Variants in MXD1 observed in about 807,000 individuals in gnomAD.
The protein encoded by MXD1 is MAX-binding protein.
Under a neutral mutation model 25.7 loss-of-function variants are expected in MXD1, and 9 were observed. The ratio of observed to expected loss-of-function variants is 0.35; its 90% CI spans 0.21 to 0.61. The LOEUF (loss-of-function observed/expected upper bound fraction) is 0.61, where lower values mean the gene tolerates loss of function less well. MXD1 is among the 20% of genes least tolerant of loss of function. MXD1 has a pLI of 0.75. For missense variants in MXD1, 227 were observed against 292.4 expected (o/e 0.78, Z 1.63); for synonymous variants, 99 against 113.9 (o/e 0.87, Z 0.83).
chr2:69,938,220 A>G lies in MXD1; in HGVS notation c.602A>G (p.Tyr201Cys), dbSNP rs1677505045. The G allele has an allele frequency of 9.9e-6, 16 of 1,614,098 alleles. No homozygotes were observed. The highest frequency in any genetic ancestry group is 1.3e-5 in the Non-Finnish European group (15 of 1,180,040). Residue 201 changes from tyrosine to cysteine, a missense_variant, in exon 6 of 6, where the codon TAT (tyrosine) becomes TGT (cysteine). By Grantham distance (194) the Tyr-to-Cys change is radical. Coordinates refer to ENST00000264444, the MANE Select transcript of MXD1 (RefSeq NM_002357.4). ...SMQSLGSDEG[Y>C]SSTSIKRIKL... ...CAGAGCCTCGGCAGTGATGAGGGCT[A>G]TTCCAGCACCAGCATCAAGAGAATA...
At chr2:69,925,254 G>GTGTGTC (rs1326166240) in intron 3 of MXD1, among the ~76,000 whole-genome samples, 1 of 152,014 alleles carries the variant, frequency 6.6e-6, no homozygotes, top group Non-Finnish European at 1.5e-5. Context: ...GGGTATGTGT[G>GTGTGTC]TGTGTGTGTG....
In MXD1 at chr2:69,938,937, A is replaced by G. The variant is rs1360412580; in HGVS notation, c.*653A>G. ...TGTCTCTGGGGTTGCACAGCTCATC[A>G]AAGTTCCAAATTGTTTGTTCTCACA... On this transcript the variant is annotated 3_prime_UTR_variant, in exon 6 of 6. Transcript: ENST00000264444. 2 of 152,658 alleles carry G rather than the reference A, an allele frequency of 1.3e-5. No individual in the cohort carries two copies. Among genetic ancestry groups the G allele is most frequent in the Non-Finnish European group, 2.9e-5 (2 of 68,048 alleles). 9.5% of individuals were successfully genotyped at this position (152,658 alleles called of 1,614,324 possible). A position where few individuals can be genotyped will look rare whatever the true frequency, so the allele number is the denominator to read the frequency against.
intron 3 of MXD1, among the ~76,000 whole-genome samples, chr2:69,924,796 T>G (rs2104175743): frequency 6.6e-6 from 1 of 152,300 alleles, no homozygotes; most frequent in Middle Eastern, 3.4e-3. Flanking sequence ...GAAAAGAACT[T>G]CTAACAGTGG....
chr2:69,937,004 G>C (rs766848015), intron 4 of MXD1: 1 of 645,544 alleles, frequency 1.5e-6, no homozygotes, highest in South Asian at 1.5e-5. Context: ...CTCACCCCCA[G>C]AATCCCTGTG....
chr2:69,916,036 A>G, intron 1 of MXD1, 85 bp from the exon 2 acceptor site: 1 of 752,096 alleles, frequency 1.3e-6, no homozygotes, highest in East Asian at 2.6e-5. Context: ...TTAAAGATAA[A>G]TAAAGGAAAA....
At chr2:69,930,027 G>A (rs186295537) in intron 3 of MXD1, among the ~76,000 whole-genome samples, 7 of 152,260 alleles carry the variant, frequency 4.6e-5, no homozygotes, top group Admixed American at 1.3e-4. Flanking sequence ...TAGTCCCAGT[G>A]TTAAAAAGAA....
chr2:69,936,017 T>C (rs979670371), intron 4 of MXD1, among the ~76,000 whole-genome samples: 2 of 152,066 alleles, frequency 1.3e-5, no homozygotes, highest in Non-Finnish European at 2.9e-5. Flanking sequence ...TGTTCCCCAA[T>C]TCCCCTTTCT....
intron 2 of MXD1, among the ~76,000 whole-genome samples, chr2:69,917,558 AT>A (rs1015581336): frequency 2.0e-4 from 31 of 152,344 alleles, no homozygotes; most frequent in African/African-American, 7.5e-4. Context: ...GAAAAGCATC[AT>A]CCATTTTTGC....
chr2:69,935,586 C>A, intron 4 of MXD1, 121 bp downstream of exon 4: 2 of 682,850 alleles, frequency 2.9e-6, no homozygotes, highest in Non-Finnish European at 5.3e-6. Context: ...GGATGAATCA[C>A]AGGTACCTCA....
Position 69,937,244 on chromosome 2 carries a change from G to T in MXD1, c.328G>T (p.Asp110Tyr). ...KAKLHIKKLE[D>Y]CDRKAVHQID... ...CCCCTTTGACTTGCAGAAACTTGAA[G>T]ATTGTGACAGAAAAGCCGTTCACCA... Residue 110 changes from aspartate (D) to tyrosine (Y), a missense_variant, in exon 5 of 6, where the codon GAT becomes TAT. By Grantham distance (160) the Asp-to-Tyr change is radical. Coordinates refer to ENST00000264444, the MANE Select transcript of MXD1 (RefSeq NM_002357.4). 3 of 1,613,812 alleles carry T rather than the reference G, an allele frequency of 1.9e-6. No individual in the cohort carries two copies. The highest frequency in any genetic ancestry group is 4.5e-5 in the East Asian group (2 of 44,890).
At chr2:69,916,613 T>C (rs931099120) in intron 2 of MXD1, among the ~76,000 whole-genome samples, 1 of 152,200 alleles carries the variant, frequency 6.6e-6, no homozygotes, top group Non-Finnish European at 1.5e-5. Context: ...TTACTTTTCA[T>C]AGTAATGATT....
chr2:69,925,416 G>T (rs1370630301), intron 3 of MXD1, among the ~76,000 whole-genome samples: 2 of 152,084 alleles, frequency 1.3e-5, no homozygotes, highest in East Asian at 3.8e-4. Flanking sequence ...TTTTGGAAAA[G>T]AACTGAAAAT....
At chr2:69,922,444 C>T (rs972206012) in intron 3 of MXD1, among the ~76,000 whole-genome samples, 12 of 152,180 alleles carry the variant, frequency 7.9e-5, no homozygotes, top group Non-Finnish European at 1.5e-4. Flanking sequence ...ACATTAGAAT[C>T]ACTTGCAAAG....
chr2:69,928,460 G>C (rs757941034), intron 3 of MXD1, among the ~76,000 whole-genome samples: 9 of 152,158 alleles, frequency 5.9e-5, no homozygotes, highest in Non-Finnish European at 1.0e-4. Context: ...ATATCTATCA[G>C]GGTTTGAATA....
In MXD1 at chr2:69,938,291, G is replaced by A. The variant is rs760650819; in HGVS notation, c.*7G>A. ...GGCGTGTCTTGGTCTCTAAGAGAGT[G>A]GGCACTGCGGCTGTCTCCTTGAAGG... On this transcript the variant is annotated 3_prime_UTR_variant, in exon 6 of 6. Transcript: ENST00000264444. 10 of 1,613,274 alleles carry A rather than the reference G, an allele frequency of 6.2e-6. No individual in the cohort carries two copies. The Admixed American group carries it at 6.7e-5, about 11-fold the overall frequency.
intron 3 of MXD1, among the ~76,000 whole-genome samples, chr2:69,929,623 T>C (rs1677240727): frequency 6.6e-6 from 1 of 152,236 alleles, no homozygotes; most frequent in Non-Finnish European, 1.5e-5. Flanking sequence ...CTTTCCGTAA[T>C]TCATGGCTGG....
chr2:69,936,953 A>G (rs1232156654), intron 4 of MXD1: 2 of 555,358 alleles, frequency 3.6e-6, no homozygotes, highest in Non-Finnish European at 7.1e-6. Flanking sequence ...AGTCTTTCTG[A>G]TACTAAAACT....
intron 2 of MXD1, among the ~76,000 whole-genome samples, chr2:69,921,417 C>T (rs534431791): frequency 3.9e-5 from 6 of 152,312 alleles, no homozygotes; most frequent in South Asian, 2.1e-4. Context: ...TATTATATAA[C>T]GCAAATTCAC....
In MXD1 at chr2:69,923,369, G is replaced by C. The variant is rs1677108192; in HGVS notation, c.203+1604G>C. Among the ~76,000 whole-genome samples, 4 of 152,278 alleles carry C rather than the reference G, an allele frequency of 2.6e-5. No homozygotes were observed. The South Asian group carries it at 8.3e-4, about 32-fold the overall frequency. ...CCCATCCAAATTGAGTGCTTTCTCAGTGCCCTGCATGAACAAGAAAAGGAT... is the reference window on the plus strand; with the variant it reads ...CCCATCCAAATTGAGTGCTTTCTCACTGCCCTGCATGAACAAGAAAAGGAT... On this transcript the variant is annotated intron_variant, in intron 3 of 5. Coordinates refer to ENST00000264444, the MANE Select transcript of MXD1 (RefSeq NM_002357.4).
Sources: gnomAD v4.1 joint callset for allele counts (sites outside exome capture counted in the v4.1 genomes callset) on GRCh38, gnomAD v4.1.1 for gene constraint, MANE v1.5 for transcripts, NCBI Gene and HGNC (gene_info 2026-07-23, HGNC 2026-07-21) for gene names.